The following CNR2 variants were observed in gnomAD, a reference collection of about 807,000 sequenced individuals.
CNR2 encodes the protein cannabinoid receptor 2 (macrophage).
For synonymous variants in CNR2, 172 were observed against 182.2 expected (o/e 0.94, Z 0.45); for missense variants, 379 against 439.9 (o/e 0.86, Z 1.24).
Position 23,875,554 on chromosome 1 carries a change from T to A in CNR2, c.64A>T (p.Met22Leu). Reference sequence around the variant, plus strand: ...CCACTCAGGATCATGTAATCCTTCATAGGGTTGGAATCCAAGCCATCCTTG... The same window carrying A: ...CCACTCAGGATCATGTAATCCTTCAAAGGGTTGGAATCCAAGCCATCCTTG... ...GSKDGLDSNP[M>L]KDYMILSGPQ... The change falls in exon 2 of 2, where the codon ATG (methionine) becomes TTG (leucine). Residue 22 changes from methionine (M) to leucine (L), a missense_variant. Physicochemically the swap from Met to Leu is conservative, Grantham distance 15. Transcript: ENST00000374472. The A allele has an allele frequency of 1.2e-6, 2 of 1,613,778 alleles. No homozygotes were observed. Among genetic ancestry groups the A allele is most frequent in the Non-Finnish European group, 1.7e-6 (2 of 1,179,810 alleles).
chr1:23,902,820 T>A (rs1432548775), intron 1 of CNR2: 3 of 1,314,046 alleles, frequency 2.3e-6, no homozygotes, highest in Non-Finnish European at 2.9e-6. Context: ...CGGTGCAGGC[T>A]GCGCTGCCCG....
At chr1:23,913,054 C>T (rs1018181636) in intron 1 of CNR2, among the ~76,000 whole-genome samples, 192 bp downstream of exon 1, 1 of 149,160 alleles carries the variant, frequency 6.7e-6, no homozygotes, top group Non-Finnish European at 1.5e-5. Flanking sequence ...GTAATCCCAA[C>T]TACACGGGAG....
At chr1:23,891,299 G>A (rs1640185960) in intron 1 of CNR2, among the ~76,000 whole-genome samples, 1 of 151,020 alleles carries the variant, frequency 6.6e-6, no homozygotes, top group Non-Finnish European at 1.5e-5. Context: ...GTGTGTGTGT[G>A]TGTGTGAGCC....
intron 1 of CNR2, among the ~76,000 whole-genome samples, chr1:23,893,403 T>C (rs1029663532): frequency 6.6e-6 from 1 of 152,230 alleles, no homozygotes; most frequent in African/African-American, 2.4e-5. Context: ...CTGTGTGACC[T>C]TGGGGAAAGT....
intron 1 of CNR2, chr1:23,902,521 T>A: frequency 6.2e-7 from 1 of 1,608,710 alleles, no homozygotes; most frequent in Non-Finnish European, 8.5e-7. Flanking sequence ...TTTAATAGGA[T>A]CAGAAAGGCT....
At chr1:23,899,883 A>AAGAAAGAAAG (rs1362090005) in intron 1 of CNR2, among the ~76,000 whole-genome samples, 13 of 1,468 alleles carry the variant, frequency 8.9e-3, no homozygotes, top group African/African-American at 9.8e-3. Context: ...GAGAGAGAGA[A>AAGAAAGAAAG]AGAAAGAAAG....
chr1:23,910,877 G>A (rs991114818), intron 1 of CNR2, among the ~76,000 whole-genome samples: 1 of 151,976 alleles, frequency 6.6e-6, no homozygotes, highest in Admixed American at 6.6e-5. Context: ...CCATGTGATT[G>A]ATAGCACAAG....
rs1261431274 is a variant in CNR2, at chr1:23,884,208, T to C, written c.-45-8546A>G. ...GATTCTTGTGCCTCAGCCTCCCGAG[T>C]AGCTGGGATTACAGGCACCTGCCAC... On this transcript the variant is annotated intron_variant, in intron 1 of 1. Coordinates refer to ENST00000374472, the MANE Select transcript of CNR2 (RefSeq NM_001841.3). Among the ~76,000 whole-genome samples, 12 of 150,902 alleles carry C rather than the reference T, an allele frequency of 8.0e-5. No homozygotes were observed. In the South Asian group the frequency reaches 1.1e-3, roughly 13 times the overall value.
intron 1 of CNR2, among the ~76,000 whole-genome samples, chr1:23,884,030 G>A (rs894052040): frequency 2.6e-5 from 4 of 151,992 alleles, no homozygotes; most frequent in Non-Finnish European, 4.4e-5. Context: ...AGCCTTGCCT[G>A]AGGCAAAAGG....
chr1:23,900,083 A>G (rs1271517593), intron 1 of CNR2, among the ~76,000 whole-genome samples: 1 of 151,348 alleles, frequency 6.6e-6, no homozygotes. Flanking sequence ...TCAGTGCTTG[A>G]GATACTTTGC....
chr1:23,877,788 C>G (rs553745378), intron 1 of CNR2, among the ~76,000 whole-genome samples: 2 of 151,874 alleles, frequency 1.3e-5, no homozygotes, highest in South Asian at 4.2e-4. Context: ...TGATGAAACC[C>G]TGTCTCTACT....
chr1:23,884,937 A>T (rs762968763), intron 1 of CNR2, among the ~76,000 whole-genome samples: 2 of 152,052 alleles, frequency 1.3e-5, no homozygotes, highest in Non-Finnish European at 2.9e-5. Context: ...AGTAGCTGGG[A>T]TCACAGGCGT....
intron 1 of CNR2, among the ~76,000 whole-genome samples, chr1:23,900,750 C>A (rs1055301124): frequency 6.6e-6 from 1 of 152,128 alleles, no homozygotes; most frequent in African/African-American, 2.4e-5. Context: ...AGGTGAACCG[C>A]CCGCCTTGGC....
At chr1:23,911,041 C>T (rs1187419238) in intron 1 of CNR2, among the ~76,000 whole-genome samples, 1 of 151,884 alleles carries the variant, frequency 6.6e-6, no homozygotes, top group African/African-American at 2.4e-5. Context: ...CTTTGTGTCT[C>T]GTGGCTCGGG....
chr1:23,898,335 C>CCTTTTTTTTTTT (rs1230917304), intron 1 of CNR2, among the ~76,000 whole-genome samples: 1 of 108,200 alleles, frequency 9.2e-6, no homozygotes. Context: ...CCGCGCCCGG[C>CCTTTTTTTTTTT]TTTTTTTTTT....
In CNR2 at chr1:23,875,131, G is replaced by T. The variant is rs1307638165; in HGVS notation, c.487C>A (p.Leu163Ile). ...TLGIMWVLSA[L>I]VSYLPLMGWT... is the part of the protein sequence containing the mutation. ...CCCATGAGGGGCAGGTAGGAGACTA[G>T]TGCTGAGAGGACCCACATGATGCCC... The change falls in exon 2 of 2, where the codon CTA (leucine) becomes ATA (isoleucine). Residue 163 changes from leucine to isoleucine, a missense_variant. Coordinates refer to ENST00000374472, the MANE Select transcript of CNR2 (RefSeq NM_001841.3). The T allele has an allele frequency of 6.2e-7, 1 of 1,610,868 alleles. No individual in the cohort carries two copies. Among genetic ancestry groups the T allele is most frequent in the Non-Finnish European group, 8.5e-7 (1 of 1,178,328 alleles).
In CNR2 at chr1:23,875,199, G is replaced by T. The variant is rs1316722407; in HGVS notation, c.419C>A (p.Ser140Tyr). The change falls in exon 2 of 2, where the codon TCC (serine) becomes TAC (tyrosine). Residue 140 changes from serine to tyrosine, a missense_variant. Coordinates refer to ENST00000374472, the MANE Select transcript of CNR2 (RefSeq NM_001841.3). ...DRYLCLRYPP[S>Y]YKALLTRGRA... The stretch of plus-strand genomic sequence containing the variant: ...TCCACGGGTGAGCAGAGCTTTGTAG[G>T]AAGGTGGATAGCGCAGGCAGAGGTA... The T allele has an allele frequency of 6.2e-7, 1 of 1,614,164 alleles. No homozygotes were observed. The highest frequency in any genetic ancestry group is 8.5e-7 in the Non-Finnish European group (1 of 1,180,028).
chr1:23,876,595 G>A (rs1053727581), intron 1 of CNR2, among the ~76,000 whole-genome samples: 1 of 151,874 alleles, frequency 6.6e-6, no homozygotes, highest in African/African-American at 2.4e-5. Flanking sequence ...CAACACTTGG[G>A]GAGGCTAAGG....
Position 23,907,438 on chromosome 1 carries a change from AGAAGAATCTT to A in CNR2, c.-46+5798_-46+5807del, listed in dbSNP as rs1170384202. ...AAAAAAAAAAAAAACAAGAGAAAAA[AGAAGAATCTT>A]GAAGCAAATCTGCAGAGGAGTTAAC... On this transcript the variant is annotated intron_variant, in intron 1 of 1. Coordinates refer to ENST00000374472, the MANE Select transcript of CNR2 (RefSeq NM_001841.3). 3.3e-5 allele frequency among the ~76,000 whole-genome samples: 5 copies of A among 151,000 alleles called. No homozygotes were observed. The East Asian group carries it at 9.7e-4, about 29-fold the overall frequency.
Sources: allele counts gnomAD v4.1 joint callset (sites outside exome capture counted in the v4.1 genomes callset), GRCh38; gene constraint gnomAD v4.1.1; transcripts MANE v1.5; gene names NCBI Gene and HGNC (gene_info 2026-07-23, HGNC 2026-07-21).